ANKRD30BL: variants seen among roughly 807,000 people sequenced by gnomAD.
The protein encoded by ANKRD30BL is ankyrin repeat domain 30B like.
In ANKRD30BL, 20 loss-of-function variants were observed where a neutral mutation model predicts 18.4. The ratio of observed to expected loss-of-function variants is 1.09; its 90% CI spans 0.77 to 1.58. The LOEUF is 1.58. Among genes scored for constraint, ANKRD30BL ranks in the 40% most tolerant of loss-of-function variants. The pLI, the probability that ANKRD30BL is intolerant of heterozygous loss-of-function variation, is 0.00. For synonymous variants in ANKRD30BL, 72 were observed against 100.9 expected, an observed-to-expected ratio of 0.71 and a Z score of 1.72; for missense variants, 224 against 268.6, an observed-to-expected ratio of 0.83 and a Z score of 1.16.
intron 1 of ANKRD30BL, among the ~76,000 whole-genome samples, chr2:132,205,388 A>G (rs979760102): frequency 2.1e-5 from 3 of 141,984 alleles, no homozygotes; most frequent in Non-Finnish European, 4.4e-5. Flanking sequence ...AGGCGGGCGG[A>G]TCACCTGAGG....
intron 4 of ANKRD30BL, chr2:132,152,663 A>G (rs1175490106): frequency 6.6e-5 from 10 of 152,064 alleles, no homozygotes; most frequent in African/African-American, 2.4e-4. Context: ...ATAAAGGGCC[A>G]GGGATATAGA....
chr2:132,209,275 GA>G (rs1307676962), intron 1 of ANKRD30BL, among the ~76,000 whole-genome samples: 1 of 152,042 alleles, frequency 6.6e-6, no homozygotes, highest in Non-Finnish European at 1.5e-5. Context: ...GAGCAGTTTT[GA>G]AACACTCTTT....
intron 1 of ANKRD30BL, among the ~76,000 whole-genome samples, chr2:132,173,992 C>T (rs1364530745): frequency 6.6e-6 from 1 of 152,166 alleles, no homozygotes; most frequent in East Asian, 1.9e-4. Context: ...ACAACAGCTA[C>T]AATGACAATT....
intron 1 of ANKRD30BL, among the ~76,000 whole-genome samples, chr2:132,215,092 T>G (rs1679460044): frequency 6.6e-6 from 1 of 152,018 alleles, no homozygotes; most frequent in Non-Finnish European, 1.5e-5. Flanking sequence ...AACCTTTGTT[T>G]TCATTGAGCA....
At chr2:132,226,747 G>A (rs79831626) in intron 1 of ANKRD30BL, among the ~76,000 whole-genome samples, 84 of 148,436 alleles carry the variant, frequency 5.7e-4, no homozygotes, top group South Asian at 1.3e-3. Flanking sequence ...TGATGTGTGC[G>A]TTCATCTCAC....
intron 1 of ANKRD30BL, among the ~76,000 whole-genome samples, chr2:132,223,661 C>T (rs75810657): frequency 2.8e-5 from 4 of 142,384 alleles, no homozygotes; most frequent in East Asian, 4.4e-4. Flanking sequence ...CAGAAACTTC[C>T]TTGTGATGTG....
intron 1 of ANKRD30BL, among the ~76,000 whole-genome samples, chr2:132,239,516 G>A (rs112740895): frequency 1.3e-5 from 2 of 151,804 alleles, no homozygotes; most frequent in African/African-American, 4.8e-5. Flanking sequence ...TCTGTGATGT[G>A]TGTACTCAAC....
chr2:132,185,594 G>T (rs1161146609), intron 1 of ANKRD30BL, among the ~76,000 whole-genome samples: 2 of 152,136 alleles, frequency 1.3e-5, no homozygotes, highest in Non-Finnish European at 2.9e-5. Flanking sequence ...AGCAAGTCTT[G>T]ATTTTAAGGA....
intron 1 of ANKRD30BL, among the ~76,000 whole-genome samples, chr2:132,175,959 G>A (rs1298422106): frequency 6.6e-6 from 1 of 152,162 alleles, no homozygotes; most frequent in Admixed American, 6.6e-5. Context: ...AATTGTTCAA[G>A]GTATAGGTCA....
chr2:132,208,837 T>A (rs914172954), intron 1 of ANKRD30BL, among the ~76,000 whole-genome samples: 3 of 151,670 alleles, frequency 2.0e-5, no homozygotes, highest in African/African-American at 7.3e-5. Context: ...AGGAAATATC[T>A]TCACATAAAG....
At chr2:132,237,288 A>G (rs1020310801) in intron 1 of ANKRD30BL, among the ~76,000 whole-genome samples, 4 of 152,090 alleles carry the variant, frequency 2.6e-5, no homozygotes, top group African/African-American at 9.6e-5. Flanking sequence ...TAATAATAAA[A>G]AGTAGACAGA....
At chr2:132,246,537 A>G (rs1197071669) in intron 1 of ANKRD30BL, among the ~76,000 whole-genome samples, 2 of 152,060 alleles carry the variant, frequency 1.3e-5, no homozygotes, top group African/African-American at 2.4e-5. Flanking sequence ...CACAGAGTTG[A>G]AAGTTTCTTT....
At chr2:132,171,541 A>C (rs886687399) in intron 1 of ANKRD30BL, among the ~76,000 whole-genome samples, 4 of 152,240 alleles carry the variant, frequency 2.6e-5, no homozygotes, top group African/African-American at 4.8e-5. Context: ...CAAACATCAG[A>C]AAAACTGCTC....
rs575623211 is a variant in ANKRD30BL at position 132,153,531 on chromosome 2, C to T, written c.614+1131G>A. 5.3e-5 allele frequency: 27 copies of T among 506,062 alleles called. No homozygotes were observed. In the East Asian group the frequency reaches 1.5e-3, roughly 28 times the overall value. 31.3% of individuals were successfully genotyped at this position (506,062 alleles called of 1,614,324 possible). On this transcript the variant is annotated intron_variant, in intron 4 of 5. Transcript: ENST00000409867. ...ACCTGAAACAAACTATAAAATCTCA[C>T]CTAGCCTTTAAATGTAAACACTTAG... is the stretch of plus-strand genomic sequence containing the variant.
intron 1 of ANKRD30BL, among the ~76,000 whole-genome samples, chr2:132,237,481 C>G (rs1036543455): frequency 1.3e-5 from 2 of 152,040 alleles, no homozygotes; most frequent in Non-Finnish European, 2.9e-5. Flanking sequence ...TTCTCAGAAA[C>G]TTATTTGTGA....
At chr2:132,220,294 C>G (rs1027512681) in intron 1 of ANKRD30BL, among the ~76,000 whole-genome samples, 1 of 146,476 alleles carries the variant, frequency 6.8e-6, no homozygotes, top group Non-Finnish European at 1.5e-5. Context: ...CTCCCTCTCC[C>G]TCTCCCTGTC....
At chr2:132,160,120 T>G (rs1163547303) in intron 1 of ANKRD30BL, among the ~76,000 whole-genome samples, 1 of 152,176 alleles carries the variant, frequency 6.6e-6, no homozygotes, top group Admixed American at 6.5e-5. Context: ...TTATTTATTT[T>G]TGAGACAGAG....
At chr2:132,182,366 C>A (rs1250898273) in intron 1 of ANKRD30BL, among the ~76,000 whole-genome samples, 2 of 151,412 alleles carry the variant, frequency 1.3e-5, no homozygotes, top group East Asian at 3.9e-4. Context: ...CCTGTAGTCC[C>A]AGCTAATCAG....
chr2:132,191,737 ATTTTTTTT>A (rs777830399), intron 1 of ANKRD30BL, among the ~76,000 whole-genome samples: 3 of 111,898 alleles, frequency 2.7e-5, no homozygotes, highest in Non-Finnish European at 3.7e-5. Flanking sequence ...ATGGAGTTTG[ATTTTTTTT>A]TTTTTTTTTT....
Sources: gnomAD v4.1 joint callset for allele counts (sites outside exome capture counted in the v4.1 genomes callset) on GRCh38, gnomAD v4.1.1 for gene constraint, MANE v1.5 for transcripts, NCBI Gene and HGNC (gene_info 2026-07-23, HGNC 2026-07-21) for gene names.